Variants in PTPRN2 observed in about 807,000 individuals in gnomAD.
PTPRN2 encodes receptor-type tyrosine-protein phosphatase N2.
In PTPRN2, 74 loss-of-function variants were observed where a neutral mutation model predicts 118.8. The observed-to-expected ratio is 0.62, with a 90% CI of 0.52 to 0.76. The LOEUF is 0.76. PTPRN2 is among the 30% of genes least tolerant of loss of function. The pLI is 0.00. For synonymous variants in PTPRN2, 641 were observed against 608.0 expected (o/e 1.05, Z -0.80); for missense variants, 1,481 against 1,394.4 (o/e 1.06, Z -0.99).
At chr7:157,567,494 C>T (rs373617340) in intron 21 of PTPRN2, among the ~76,000 whole-genome samples, 2 of 151,638 alleles carry the variant, frequency 1.3e-5, no homozygotes, top group African/African-American at 2.4e-5. Context: ...AGTCCTTCTG[C>T]GTAAAGCCAT....
chr7:158,031,349 G>T (rs1455900673), intron 11 of PTPRN2, among the ~76,000 whole-genome samples: 1 of 152,158 alleles, frequency 6.6e-6, no homozygotes, highest in African/African-American at 2.4e-5. Flanking sequence ...GACATTTGGG[G>T]TCTATTTGGT....
At chr7:158,153,541 C>T (rs553686360) in intron 6 of PTPRN2, among the ~76,000 whole-genome samples, 14 of 152,194 alleles carry the variant, frequency 9.2e-5, no homozygotes, top group East Asian at 5.8e-4. Context: ...GTTTGAGCAG[C>T]GGGGCACTGA....
Position 158,296,007 on chromosome 7 carries a change from G to A in PTPRN2, c.277+20812C>T, listed in dbSNP as rs541498343. ...GATGAGTTTGGATTGCTTCTGATATGGGAGATGGGCAGGGAAGTGCTGGGT... is the reference window on the plus strand; with the variant it reads ...GATGAGTTTGGATTGCTTCTGATATAGGAGATGGGCAGGGAAGTGCTGGGT... On this transcript the variant is annotated intron_variant, in intron 3 of 22. Coordinates refer to ENST00000389418, the MANE Select transcript of PTPRN2 (RefSeq NM_002847.5). Among the ~76,000 whole-genome samples the A allele has an allele frequency of 6.6e-3, 1,001 of 152,354 alleles. 7 individuals are homozygous for A. Among genetic ancestry groups the A allele is most frequent in the Non-Finnish European group, 9.3e-3 (630 of 68,024 alleles).
At chr7:158,108,257 C>A (rs981530677) in intron 10 of PTPRN2, among the ~76,000 whole-genome samples, 12 of 152,070 alleles carry the variant, frequency 7.9e-5, no homozygotes, top group Non-Finnish European at 1.2e-4. Flanking sequence ...CACAAATAGC[C>A]CCCCCTCACC....
intron 12 of PTPRN2, among the ~76,000 whole-genome samples, chr7:157,725,369 AGACCC>A (rs1799501696): frequency 1.6e-5 from 1 of 62,034 alleles, no homozygotes; most frequent in Non-Finnish European, 3.3e-5. Context: ...GAGTGTGGCC[AGACCC>A]TCGCCTCCCA....
In PTPRN2 at chr7:157,987,716, AT is replaced by A. The variant is rs1233774004; in HGVS notation, c.1724-88980del. 6.6e-6 allele frequency among the ~76,000 whole-genome samples: 1 copy of A among 152,180 alleles called. No individual in the cohort carries two copies. Among genetic ancestry groups the A allele is most frequent in the Non-Finnish European group, 1.5e-5 (1 of 68,020 alleles). On this transcript the variant is annotated intron_variant, in intron 11 of 22. Transcript: ENST00000389418. The surrounding 1 kb of genome is among the most constrained non-coding windows in gnomAD (Gnocchi z 4.3). The stretch of plus-strand genomic sequence containing the variant: ...TTTCTCTAGAGATGGGGCAGTTATT[AT>A]GCAGTGTGGGATCCACAGTTACAGA...
intron 3 of PTPRN2, among the ~76,000 whole-genome samples, chr7:158,236,509 C>T (rs958623603): frequency 9.9e-5 from 15 of 152,278 alleles, no homozygotes; most frequent in African/African-American, 2.6e-4. Flanking sequence ...TCTGCCCTGG[C>T]GTCTGTGGGG....
intron 3 of PTPRN2, among the ~76,000 whole-genome samples, chr7:158,313,863 T>C (rs1454473306): frequency 6.6e-6 from 1 of 152,208 alleles, no homozygotes; most frequent in Non-Finnish European, 1.5e-5. Context: ...AAAACTCATC[T>C]CTGTTGGGGA....
chr7:157,815,028 G>C (rs150304112), intron 12 of PTPRN2, among the ~76,000 whole-genome samples: 2 of 152,360 alleles, frequency 1.3e-5, no homozygotes, highest in South Asian at 2.1e-4. Flanking sequence ...GGGGCCCTGC[G>C]TTTCTCTCCT....
chr7:157,707,479 C>T (rs903153590), intron 12 of PTPRN2, among the ~76,000 whole-genome samples: 6 of 152,350 alleles, frequency 3.9e-5, no homozygotes, highest in Admixed American at 3.9e-4. Flanking sequence ...GCTAAGTACC[C>T]TTCAGGGATG....
At chr7:157,556,918 G>C (rs1261952057) in intron 21 of PTPRN2, among the ~76,000 whole-genome samples, 1 of 147,626 alleles carries the variant, frequency 6.8e-6, no homozygotes, top group South Asian at 2.2e-4. Flanking sequence ...ATATACACAG[G>C]AATGCACATG....
intron 1 of PTPRN2, among the ~76,000 whole-genome samples, chr7:158,491,664 A>T (rs1821455326): frequency 6.6e-6 from 1 of 151,910 alleles, no homozygotes; most frequent in Admixed American, 6.6e-5. Flanking sequence ...TAATTTTTGT[A>T]TTTTTAGTAG....
At chr7:157,728,087 G>A (rs986117098) in intron 12 of PTPRN2, among the ~76,000 whole-genome samples, 12 of 152,190 alleles carry the variant, frequency 7.9e-5, no homozygotes, top group African/African-American at 2.4e-4. Flanking sequence ...CCTGGTACCC[G>A]GTGGGTACCC....
At chr7:157,805,322 T>TGTGTGCGC (rs1554453205) in intron 12 of PTPRN2, among the ~76,000 whole-genome samples, 4 of 147,632 alleles carry the variant, frequency 2.7e-5, no homozygotes, top group South Asian at 2.2e-4. Flanking sequence ...TGTGTGCGTG[T>TGTGTGCGC]GCAAATACAT....
chr7:158,505,188 C>G (rs1822654866), intron 1 of PTPRN2, among the ~76,000 whole-genome samples: 1 of 152,148 alleles, frequency 6.6e-6, no homozygotes, highest in Admixed American at 6.5e-5. Context: ...AGGCATAAGT[C>G]TGAACCACTG....
chr7:157,738,603 T>C (rs1433990169), intron 12 of PTPRN2, among the ~76,000 whole-genome samples: 2 of 152,248 alleles, frequency 1.3e-5, no homozygotes, highest in South Asian at 2.1e-4. Flanking sequence ...CCATGTTTTT[T>C]CATTTTGAAT....
At chr7:158,048,567 TATCATCATCATCACTATC>T (rs1019659344) in intron 11 of PTPRN2, among the ~76,000 whole-genome samples, 1 of 111,362 alleles carries the variant, frequency 9.0e-6, no homozygotes, top group Non-Finnish European at 2.3e-5. Context: ...TCACCATCAC[TATCATCATCATCACTATC>T]ATCATCATCA....
intron 12 of PTPRN2, among the ~76,000 whole-genome samples, chr7:157,805,276 A>T (rs981581910): frequency 2.8e-5 from 4 of 144,044 alleles, no homozygotes; most frequent in Non-Finnish European, 4.5e-5. Flanking sequence ...GCATAGAAAA[A>T]ATATATATAC....
chr7:157,635,887 C>T (rs1804286226), intron 14 of PTPRN2, among the ~76,000 whole-genome samples: 1 of 152,222 alleles, frequency 6.6e-6, no homozygotes, highest in African/African-American at 2.4e-5. Context: ...AATCCATTCC[C>T]AGAATGCATG....
Sources: gnomAD v4.1 joint callset for allele counts (sites outside exome capture counted in the v4.1 genomes callset) on GRCh38, gnomAD v4.1.1 for gene constraint, Gnocchi (gnomAD v3.1) non-coding constraint, MANE v1.5 for transcripts, NCBI Gene and HGNC (gene_info 2026-07-23, HGNC 2026-07-21) for gene names.